Variants in ZNF438 observed in about 807,000 individuals in gnomAD.
ZNF438 encodes the protein zinc finger protein 438.
A neutral mutation model predicts 38.0 loss-of-function variants in ZNF438; 25 were observed. The observed-to-expected ratio is 0.66, with a 90% CI of 0.48 to 0.92. ZNF438 has a LOEUF of 0.92. Among genes scored for constraint, ZNF438 ranks in the 40% least tolerant of loss-of-function variants. The pLI is 0.00. For missense variants in ZNF438, 1,007 were observed against 999.6 expected, an observed-to-expected ratio of 1.01 and a Z score of -0.10; for synonymous variants, 372 against 364.1, an observed-to-expected ratio of 1.02 and a Z score of -0.25.
At chr10:30,901,099 C>T (rs1260987849) in intron 3 of ZNF438, among the ~76,000 whole-genome samples, 1 of 152,108 alleles carries the variant, frequency 6.6e-6, no homozygotes, top group African/African-American at 2.4e-5. Flanking sequence ...GATACATTAG[C>T]AATAAACACT....
In ZNF438 at chr10:30,930,803, C is replaced by CAAAAAAAAA. The variant is rs71527620; in HGVS notation, c.-115+10763_-115+10771dup. On this transcript the variant is annotated intron_variant, in intron 2 of 5. Coordinates refer to ENST00000413025, the Ensembl canonical transcript of ZNF438. Reference sequence around the variant, plus strand: ...GCCTGGCGACAGAGAGAAACTCAGTCAAAAAAAAAAAAAAAAAAAAAAAAA... The same window carrying CAAAAAAAAA: ...GCCTGGCGACAGAGAGAAACTCAGTCAAAAAAAAAAAAAAAAAAAAAAAAAAAAAAAAAA... Among the ~76,000 whole-genome samples, 67 of 38,446 alleles carry CAAAAAAAAA rather than the reference C, an allele frequency of 1.7e-3. 3 individuals are homozygous for CAAAAAAAAA. Among genetic ancestry groups the CAAAAAAAAA allele is most frequent in the South Asian group, 5.3e-3 (2 of 378 alleles). The allele number at this position is 38,446 out of a possible 152,430, so 25.2% of individuals were successfully genotyped here.
At position 30,901,592 on chromosome 10, in the gene ZNF438, A is replaced by G. The variant is rs557502501; in HGVS notation, c.-32+7341T>C. On this transcript the variant is annotated intron_variant, in intron 3 of 5. Coordinates refer to ENST00000413025, the Ensembl canonical transcript of ZNF438. ...GAAAAATAGGACAGAATAGCAACCA[A>G]AAGGGGTCTGATGGTACTCACTGCT... Among the ~76,000 whole-genome samples the G allele has an allele frequency of 5.9e-5, 9 of 152,264 alleles. No individual in the cohort carries two copies. The East Asian group carries it at 1.7e-3, about 29-fold the overall frequency.
chr10:30,875,764 A>T (rs1588944209), intron 4 of ZNF438, among the ~76,000 whole-genome samples: 1 of 152,196 alleles, frequency 6.6e-6, no homozygotes, highest in Admixed American at 6.5e-5. Flanking sequence ...AAGCGGTCTA[A>T]TTCCTGCTTA....
At chr10:30,996,149 T>A (rs1016698795) in intron 1 of ZNF438, among the ~76,000 whole-genome samples, 1 of 151,994 alleles carries the variant, frequency 6.6e-6, no homozygotes, top group African/African-American at 2.4e-5. Flanking sequence ...CACTACAATA[T>A]ATCTACTTAA....
chr10:30,896,736 A>T (rs567061525), intron 3 of ZNF438, among the ~76,000 whole-genome samples: 3 of 152,142 alleles, frequency 2.0e-5, no homozygotes, highest in Non-Finnish European at 4.4e-5. Flanking sequence ...CAGTTTTACA[A>T]GATGAAAAAT....
chr10:31,006,447 G>A (rs1048245705), intron 1 of ZNF438, among the ~76,000 whole-genome samples: 1 of 152,032 alleles, frequency 6.6e-6, no homozygotes, highest in East Asian at 1.9e-4. Flanking sequence ...ACCCAGGGAG[G>A]GCAAGGGAGT....
intron 1 of ZNF438, among the ~76,000 whole-genome samples, chr10:31,001,354 A>G (rs1158696373): frequency 1.3e-5 from 2 of 152,208 alleles, no homozygotes; most frequent in Non-Finnish European, 2.9e-5. Flanking sequence ...AGGCACAGTA[A>G]AAGCTCAAAA....
At chr10:30,934,540 T>G (rs1215473868) in intron 2 of ZNF438, among the ~76,000 whole-genome samples, 1 of 152,240 alleles carries the variant, frequency 6.6e-6, no homozygotes, top group Non-Finnish European at 1.5e-5. Flanking sequence ...ATAACTGTCT[T>G]GCAGTACTCA....
chr10:30,867,611 A>G (rs1229510583), intron 4 of ZNF438, among the ~76,000 whole-genome samples: 1 of 152,088 alleles, frequency 6.6e-6, no homozygotes, highest in Non-Finnish European at 1.5e-5. Flanking sequence ...ATTAGATGAA[A>G]TCTAACTTCC....
intron 5 of ZNF438, 67 bp downstream of exon 6, chr10:30,848,464 A>G (rs975096223): frequency 1.3e-6 from 2 of 1,524,950 alleles, no homozygotes; most frequent in Non-Finnish European, 1.8e-6. Flanking sequence ...TCTGAATATG[A>G]AATCTTCCCC....
intron 1 of ZNF438, among the ~76,000 whole-genome samples, chr10:30,990,486 C>G (rs891016526): frequency 1.3e-5 from 2 of 152,200 alleles, no homozygotes; most frequent in African/African-American, 4.8e-5. Flanking sequence ...GTCCAACCTC[C>G]AATCTCCTGA....
chr10:30,964,022 A>G (rs1564748791), intron 1 of ZNF438, among the ~76,000 whole-genome samples: 2 of 152,178 alleles, frequency 1.3e-5, no homozygotes, highest in African/African-American at 4.8e-5. Context: ...TTCCTACTAA[A>G]GTGATCCTTA....
intron 1 of ZNF438, among the ~76,000 whole-genome samples, chr10:30,982,631 T>C (rs1246106903): frequency 2.6e-5 from 4 of 152,164 alleles, no homozygotes; most frequent in African/African-American, 4.8e-5. Context: ...AAGTATAATA[T>C]ATTTATATTT....
chr10:30,924,414 T>A (rs556136721), intron 2 of ZNF438, among the ~76,000 whole-genome samples: 1 of 152,290 alleles, frequency 6.6e-6, no homozygotes, highest in Non-Finnish European at 1.5e-5. Context: ...GAGGCAATCA[T>A]GATGAATGAG....
chr10:31,010,755 A>C (rs1021274794), intron 1 of ZNF438, among the ~76,000 whole-genome samples: 10 of 151,978 alleles, frequency 6.6e-5, no homozygotes, highest in African/African-American at 2.4e-4. Flanking sequence ...TGGGCACGGT[A>C]GCACACATCT....
At chr10:30,849,441 G>T in exon 5 of ZNF438, 1 of 1,614,160 alleles carries the variant, frequency 6.2e-7, no homozygotes, top group African/African-American at 1.3e-5. Context: ...TCGGCCTTAG[G>T]TCCTGGTAAA....
intron 3 of ZNF438, among the ~76,000 whole-genome samples, chr10:30,887,926 A>G (rs1374966706): frequency 2.6e-5 from 4 of 152,232 alleles, no homozygotes; most frequent in African/African-American, 9.6e-5. Flanking sequence ...TTTCATATAC[A>G]TCAGACAGTA....
intron 1 of ZNF438, among the ~76,000 whole-genome samples, chr10:31,000,312 C>T (rs930564480): frequency 3.9e-5 from 6 of 152,198 alleles, no homozygotes; most frequent in Non-Finnish European, 8.8e-5. Context: ...TTCACTGGAC[C>T]ATGGCCTAAC....
At chr10:31,000,064 G>A (rs2054490649) in intron 1 of ZNF438, among the ~76,000 whole-genome samples, 1 of 151,942 alleles carries the variant, frequency 6.6e-6, no homozygotes, top group Non-Finnish European at 1.5e-5. Context: ...TTTTATGTCG[G>A]CAACGAAATG....
Sources: allele counts gnomAD v4.1 joint callset (sites outside exome capture counted in the v4.1 genomes callset), GRCh38; gene constraint gnomAD v4.1.1; transcripts MANE v1.5; gene names NCBI Gene and HGNC (gene_info 2026-07-23, HGNC 2026-07-21).